XDH: variants seen among roughly 807,000 people sequenced by gnomAD.
The protein encoded by XDH is xanthine dehydrogenase, also known as xanthine dehydrogenase/oxidase.
A neutral mutation model predicts 156.1 loss-of-function variants in XDH; 138 were observed. The ratio of observed to expected loss-of-function variants is 0.88; its 90% CI spans 0.77 to 1.02. The LOEUF (loss-of-function observed/expected upper bound fraction) is 1.02, where lower values mean the gene tolerates loss of function less well. Among genes scored for constraint, XDH ranks in the 50% least tolerant of loss-of-function variants. XDH has a pLI of 0.00. For missense variants in XDH, 1,849 were observed against 1,684.9 expected (o/e 1.10, Z -1.71); for synonymous variants, 669 against 625.7 (o/e 1.07, Z -1.03).
chr2:31,339,437 G>T (rs1020550741), intron 34 of XDH, 52 bp downstream of exon 34: 11 of 1,611,752 alleles, frequency 6.8e-6, no homozygotes, highest in Middle Eastern at 2.0e-4. Context: ...ACCCGCTGGG[G>T]CCTCCCCCAG....
chr2:31,383,707 C>A lies in XDH; in HGVS notation c.886+48G>T, dbSNP rs764762630. On this transcript the variant is annotated intron_variant, in intron 10 of 35. Coordinates refer to ENST00000379416, the MANE Select transcript of XDH (RefSeq NM_000379.4). ...ACCTGCCACCCACCTTGTAACCTAT[C>A]CCCAGCCTCACAGCCCCTCCATAAG... 2.5e-6 allele frequency: 4 copies of A among 1,574,930 alleles called. No homozygotes were observed. In the East Asian group the frequency reaches 6.8e-5, roughly 27 times the overall value.
At chr2:31,344,098 G>A (rs1685216203) in intron 31 of XDH, among the ~76,000 whole-genome samples, 2 of 152,110 alleles carry the variant, frequency 1.3e-5, no homozygotes, top group African/African-American at 4.8e-5. Flanking sequence ...CAGATGGGCA[G>A]GGTCTCTAGC....
chr2:31,405,818 C>A (rs1687176926), intron 2 of XDH, 89 bp downstream of exon 2: 1 of 1,505,600 alleles, frequency 6.6e-7, no homozygotes, highest in African/African-American at 1.4e-5. Context: ...CAAGGCCACC[C>A]CACCAGTCAC....
chr2:31,401,542 T>A (rs943296397), intron 3 of XDH, among the ~76,000 whole-genome samples: 3 of 152,192 alleles, frequency 2.0e-5, no homozygotes, highest in African/African-American at 7.2e-5. Flanking sequence ...GCTGAGCCCC[T>A]CCAGAGTACT....
chr2:31,337,568 GA>G (rs1177380289), intron 35 of XDH, 72 bp downstream of exon 35: 34 of 1,609,320 alleles, frequency 2.1e-5, no homozygotes, highest in Admixed American at 5.0e-5. Flanking sequence ...CCTCTGTGCA[GA>G]ACCTTCCCTG....
intron 24 of XDH, among the ~76,000 whole-genome samples, chr2:31,360,923 C>T (rs1685761228): frequency 6.6e-6 from 1 of 152,168 alleles, no homozygotes; most frequent in Admixed American, 6.5e-5. Context: ...GTATCTCTTG[C>T]AGATAAGGGG....
intron 6 of XDH, among the ~76,000 whole-genome samples, chr2:31,393,408 G>C (rs1686825965): frequency 6.6e-6 from 1 of 151,994 alleles, no homozygotes; most frequent in Non-Finnish European, 1.5e-5. Context: ...ATAACTGTTT[G>C]CTCTGTCCAA....
At chr2:31,400,568 C>A (rs1451265558) in intron 4 of XDH, among the ~76,000 whole-genome samples, 1 of 152,172 alleles carries the variant, frequency 6.6e-6, no homozygotes, top group Non-Finnish European at 1.5e-5. Flanking sequence ...CTAACAGCAT[C>A]CTGATTGTCT....
Position 31,389,010 on chromosome 2 carries a change from G to A in XDH, c.496-715C>T, listed in dbSNP as rs1686688604. On this transcript the variant is annotated intron_variant, in intron 6 of 35. Coordinates refer to ENST00000379416, the MANE Select transcript of XDH (RefSeq NM_000379.4). ...CCACCCAGCACCGAGGCACTGCAGGGTGGCAGAGGGGCGCACTCAGCTGAC... is the reference window on the plus strand; with the variant it reads ...CCACCCAGCACCGAGGCACTGCAGGATGGCAGAGGGGCGCACTCAGCTGAC... 2.6e-5 allele frequency among the ~76,000 whole-genome samples: 4 copies of A among 152,106 alleles called. No homozygotes were observed. The South Asian group carries it at 8.3e-4, about 32-fold the overall frequency.
intron 24 of XDH, among the ~76,000 whole-genome samples, chr2:31,355,772 A>C (rs1265538780): frequency 6.6e-6 from 1 of 152,196 alleles, no homozygotes; most frequent in Non-Finnish European, 1.5e-5. Context: ...CTTATGCCTC[A>C]ACACATCAAT....
At chr2:31,405,250 G>T (rs1044660312) in intron 2 of XDH, among the ~76,000 whole-genome samples, 6 of 152,192 alleles carry the variant, frequency 3.9e-5, no homozygotes, top group African/African-American at 1.4e-4. Flanking sequence ...TATAGGAAGT[G>T]CTCATTAAAT....
At chr2:31,361,322 CAG>C (rs1469887189) in intron 24 of XDH, among the ~76,000 whole-genome samples, 1 of 152,222 alleles carries the variant, frequency 6.6e-6, no homozygotes, top group Non-Finnish European at 1.5e-5. Context: ...GGACATAAAA[CAG>C]GTAATTATTT....
chr2:31,406,110 A>G lies in XDH; in HGVS notation c.43-146T>C, dbSNP rs138257268. ...TTTGCACTCTGCCCCTCTAAATCTC[A>G]TGTTTAATTGTAATCCCCAGTGTTG... On this transcript the variant is annotated intron_variant, in intron 1 of 35. Transcript: ENST00000379416. 1.3e-4 allele frequency: 117 copies of G among 922,904 alleles called. 1 individual carries two copies. In the African/African-American group the frequency reaches 1.6e-3, roughly 13 times the overall value. The allele number at this position is 922,904 out of a possible 1,614,324, so 57.2% of individuals were successfully genotyped here.
chr2:31,335,936 G>A lies in XDH; in HGVS notation c.*22C>T. ...TGGAAGCCCAAAGGCAGCACAAGAA[G>A]ACTCTGCTGAGGACTCTCTCTTTAG... is the stretch of plus-strand genomic sequence containing the variant. On this transcript the variant is annotated 3_prime_UTR_variant, in exon 36 of 36. Transcript: ENST00000379416. The A allele has an allele frequency of 6.2e-7, 1 of 1,613,960 alleles. No individual in the cohort carries two copies. Among genetic ancestry groups the A allele is most frequent in the Non-Finnish European group, 8.5e-7 (1 of 1,179,830 alleles).
At chr2:31,344,187 C>T (rs1438547643) in intron 31 of XDH, among the ~76,000 whole-genome samples, 1 of 152,156 alleles carries the variant, frequency 6.6e-6, no homozygotes, top group African/African-American at 2.4e-5. Context: ...TAAGTTTCCA[C>T]TGTATTCTGC....
In XDH at chr2:31,350,091, G is replaced by T. The variant is rs1404017784; in HGVS notation, c.2764C>A (p.Leu922Ile). ...FRGFGGPQGM[L>I]IAECWMSEVA... ...TCACTCATCCAGCACTCGGCAATGA[G>T]CATCCCCTGGGGCCCCCCAAAGCCC... The change falls in exon 25 of 36, where the codon CTC becomes ATC. Residue 922 changes from leucine (L) to isoleucine (I), a missense_variant. Transcript: ENST00000379416. The T allele has an allele frequency of 6.2e-7, 1 of 1,614,134 alleles. No homozygotes were observed. The highest frequency in any genetic ancestry group is 8.5e-7 in the Non-Finnish European group (1 of 1,180,060).
At position 31,348,335 on chromosome 2, in the gene XDH, T is replaced by C; in HGVS notation, c.3080A>G (p.Asp1027Gly). 2 of 1,614,212 alleles carry C rather than the reference T, an allele frequency of 1.2e-6. No homozygotes were observed. Among genetic ancestry groups the C allele is most frequent in the South Asian group, 1.1e-5 (1 of 91,078 alleles). ...QAGALLHVYTDGSVLLTHGGT... is the reference protein window; with the variant it reads ...QAGALLHVYTGGSVLLTHGGT... ...CCCGTGGGTCAGCAGCACAGAGCCA[T>C]CTGTGTACACATGAAGTAGGGCTCC... Residue 1027 changes from aspartate (D) to glycine (G), a missense_variant, in exon 28 of 36, where the codon GAT (aspartate) becomes GGT (glycine). Coordinates refer to ENST00000379416, the MANE Select transcript of XDH (RefSeq NM_000379.4).
chr2:31,368,006 C>T lies in XDH; in HGVS notation c.2152G>A (p.Gly718Arg), dbSNP rs1685967846. ...TCGGAAAACCCCTTCTTTAGGTCCC[C>T]TTTCTCGATCTTCAGCTCAGGTCCA... Reference protein sequence around the residue: ...FYGPELKIEKGDLKKGFSEAD... With the variant: ...FYGPELKIEKRDLKKGFSEAD... Residue 718 changes from glycine to arginine, a missense_variant, in exon 20 of 36, where the codon GGG becomes AGG. By Grantham distance (125) the Gly-to-Arg change is moderately radical. Coordinates refer to ENST00000379416, the MANE Select transcript of XDH (RefSeq NM_000379.4). 4 of 1,614,172 alleles carry T rather than the reference C, an allele frequency of 2.5e-6. No homozygotes were observed. Among genetic ancestry groups the T allele is most frequent in the Non-Finnish European group, 3.4e-6 (4 of 1,180,016 alleles).
chr2:31,336,406 C>G (rs45596633), intron 35 of XDH, among the ~76,000 whole-genome samples: 278 of 152,204 alleles, frequency 1.8e-3, no homozygotes, highest in African/African-American at 6.5e-3. Flanking sequence ...AGAGAGCTTA[C>G]GAAAATGACT....
Sources: gnomAD v4.1 joint callset for allele counts (sites outside exome capture counted in the v4.1 genomes callset) on GRCh38, gnomAD v4.1.1 for gene constraint, MANE v1.5 for transcripts, NCBI Gene and HGNC (gene_info 2026-07-23, HGNC 2026-07-21) for gene names.